RIN2: variants seen among roughly 807,000 people sequenced by gnomAD.
The protein encoded by RIN2 is Ras and Rab interactor 2.
Under a neutral mutation model 78.0 loss-of-function variants are expected in RIN2, and 36 were observed. The ratio of observed to expected loss-of-function variants is 0.46; its 90% CI spans 0.35 to 0.61. RIN2 has a LOEUF of 0.61. Among genes scored for constraint, RIN2 ranks in the 20% least tolerant of loss-of-function variants. RIN2 has a pLI of 0.00. For synonymous variants in RIN2, 466 were observed against 466.8 expected, an observed-to-expected ratio of 1.00 and a Z score of 0.02; for missense variants, 1,087 against 1,159.7, an observed-to-expected ratio of 0.94 and a Z score of 0.91.
chr20:19,927,514 A>C (rs998453883), intron 3 of RIN2, among the ~76,000 whole-genome samples: 1 of 151,870 alleles, frequency 6.6e-6, no homozygotes, highest in East Asian at 1.9e-4. Flanking sequence ...TCCCAGGTTC[A>C]AGTAATTCTC....
chr20:19,932,420 G>A (rs1435462518), intron 3 of RIN2, among the ~76,000 whole-genome samples: 2 of 152,230 alleles, frequency 1.3e-5, no homozygotes, highest in East Asian at 1.9e-4. Flanking sequence ...AAGACAAGGG[G>A]GATCCTGTTT....
intron 8 of RIN2, among the ~76,000 whole-genome samples, chr20:19,973,828 A>G (rs1027544645): frequency 6.6e-6 from 1 of 152,186 alleles, no homozygotes; most frequent in African/African-American, 2.4e-5. Flanking sequence ...CCAAATGGAA[A>G]TTATAACAGG....
chr20:19,930,878 A>G (rs2040414337), intron 3 of RIN2, among the ~76,000 whole-genome samples: 1 of 152,190 alleles, frequency 6.6e-6, no homozygotes, highest in Non-Finnish European at 1.5e-5. Context: ...CTTTAAGCAT[A>G]CAGAAAACCA....
chr20:19,946,755 G>T (rs371218563), intron 4 of RIN2, among the ~76,000 whole-genome samples: 1 of 149,972 alleles, frequency 6.7e-6, no homozygotes, highest in African/African-American at 2.5e-5. Flanking sequence ...ATTCAGCTGG[G>T]TGCGGTGGCT....
chr20:19,881,184 C>T (rs578219450), intron 2 of RIN2, among the ~76,000 whole-genome samples: 1 of 152,316 alleles, frequency 6.6e-6, no homozygotes, highest in African/African-American at 2.4e-5. Flanking sequence ...TCTCCCTGCT[C>T]ACTAGAGCTG....
At chr20:19,780,673 G>A (rs2034470635) in intron 1 of RIN2, among the ~76,000 whole-genome samples, 1 of 152,196 alleles carries the variant, frequency 6.6e-6, no homozygotes, top group African/African-American at 2.4e-5. Flanking sequence ...ACATGTTCTG[G>A]AGCTAGGTGG....
chr20:19,902,608 C>A (rs546747788), intron 3 of RIN2, among the ~76,000 whole-genome samples: 7 of 152,166 alleles, frequency 4.6e-5, no homozygotes, highest in Non-Finnish European at 8.8e-5. Context: ...GTTCTCAGTC[C>A]GAGGGAGCTG....
intron 8 of RIN2, 101 bp from the exon 9 acceptor site, chr20:19,974,553 C>G: frequency 8.2e-7 from 1 of 1,222,918 alleles, no homozygotes; most frequent in Non-Finnish European, 1.1e-6. Context: ...CCCCACCCCG[C>G]AAGACTCGCG....
rs1212979270 is a variant in RIN2 at position 19,974,707 on chromosome 20, A to AG, written c.684dup (p.Pro229AlafsTer45). On this transcript the variant is annotated frameshift_variant, in exon 9 of 13. Coordinates refer to ENST00000255006, the MANE Select transcript of RIN2 (RefSeq NM_018993.4). LOFTEE classifies it high-confidence loss of function. ...ACCCCCGAACCTTCCACCTCCCCATAGGCCTCTTTCCTCCGACGGTGTCTG... is the reference window on the plus strand; with the variant it reads ...ACCCCCGAACCTTCCACCTCCCCATAGGGCCTCTTTCCTCCGACGGTGTCTG... 1 of 1,613,842 alleles carries AG rather than the reference A, an allele frequency of 6.2e-7. No homozygotes were observed. The highest frequency in any genetic ancestry group is 8.5e-7 in the Non-Finnish European group (1 of 1,179,882).
At chr20:19,985,086 C>T (rs1217757240) in intron 9 of RIN2, among the ~76,000 whole-genome samples, 1 of 152,206 alleles carries the variant, frequency 6.6e-6, no homozygotes, top group African/African-American at 2.4e-5. Context: ...CTCCAGTCTT[C>T]AGCTTTGCCT....
intron 3 of RIN2, among the ~76,000 whole-genome samples, chr20:19,892,530 G>A (rs1463546142): frequency 6.6e-6 from 1 of 152,062 alleles, no homozygotes; most frequent in Non-Finnish European, 1.5e-5. Context: ...ATTTATTTAA[G>A]TCAGATGCTC....
At chr20:19,931,709 CTT>C (rs57734791) in intron 3 of RIN2, among the ~76,000 whole-genome samples, 97 of 128,098 alleles carry the variant, frequency 7.6e-4, no homozygotes, top group Middle Eastern at 8.4e-3. Flanking sequence ...CTCGATTTGC[CTT>C]TTTTTTTTTT....
chr20:19,905,934 C>T (rs1042142198), intron 3 of RIN2, among the ~76,000 whole-genome samples: 3 of 152,228 alleles, frequency 2.0e-5, no homozygotes, highest in Non-Finnish European at 1.5e-5. Flanking sequence ...TAGGAACTAA[C>T]TGCATCCTGT....
upstream of RIN2, chr20:19,758,161 T>A (rs887173489): frequency 1.4e-5 from 2 of 147,546 alleles, no homozygotes; most frequent in African/African-American, 5.1e-5. Flanking sequence ...TTCCCTCCCC[T>A]CCTCCTCTTT....
chr20:19,828,294 C>A (rs2036154640), intron 2 of RIN2, among the ~76,000 whole-genome samples: 1 of 152,236 alleles, frequency 6.6e-6, no homozygotes, highest in African/African-American at 2.4e-5. Context: ...ATGCCTCTCA[C>A]TTCCACTTCC....
intron 2 of RIN2, among the ~76,000 whole-genome samples, chr20:19,835,402 AT>A (rs1349455159): frequency 2.0e-4 from 31 of 152,326 alleles, no homozygotes; most frequent in African/African-American, 6.3e-4. Flanking sequence ...CTTCAACTTC[AT>A]TAAAATTTTT....
intron 3 of RIN2, among the ~76,000 whole-genome samples, chr20:19,893,507 T>C (rs1164976453): frequency 6.6e-6 from 1 of 152,164 alleles, no homozygotes; most frequent in African/African-American, 2.4e-5. Context: ...TAACCACTAG[T>C]AGTTAGCACT....
At chr20:19,955,100 G>A (rs532489434) in intron 4 of RIN2, among the ~76,000 whole-genome samples, 17 of 151,986 alleles carry the variant, frequency 1.1e-4, no homozygotes, top group Admixed American at 2.6e-4. Context: ...GTTTGCAATC[G>A]CTCCCCATTC....
chr20:19,828,883 G>A (rs374312247), intron 2 of RIN2, among the ~76,000 whole-genome samples: 4 of 152,034 alleles, frequency 2.6e-5, no homozygotes, highest in Non-Finnish European at 4.4e-5. Context: ...CGGCTACGTC[G>A]TCTGAGGCTC....
Sources: allele counts gnomAD v4.1 joint callset (sites outside exome capture counted in the v4.1 genomes callset), GRCh38; gene constraint gnomAD v4.1.1; transcripts MANE v1.5; gene names NCBI Gene and HGNC (gene_info 2026-07-23, HGNC 2026-07-21).